TMEM178B: variants seen among roughly 807,000 people sequenced by gnomAD.
TMEM178B encodes the protein transmembrane protein 178B.
In TMEM178B, 5 loss-of-function variants were observed where a neutral mutation model predicts 31.0. The observed-to-expected ratio is 0.16, with a 90% confidence interval of 0.08 to 0.34. The LOEUF (loss-of-function observed/expected upper bound fraction) is 0.34, where lower values mean the gene tolerates loss of function less well. Among genes scored for constraint, TMEM178B ranks in the 10% least tolerant of loss-of-function variants. The probability of loss-of-function intolerance (pLI) is 1.00; values close to 1 mark genes in which losing one functional copy is unlikely to be tolerated. For synonymous variants in TMEM178B, 164 were observed against 164.0 expected, an observed-to-expected ratio of 1.00 and a Z score of 0.00; for missense variants, 275 against 400.3, an observed-to-expected ratio of 0.69 and a Z score of 2.67.
intron 2 of TMEM178B, among the ~76,000 whole-genome samples, chr7:141,343,225 C>T (rs1799549611): frequency 2.0e-5 from 3 of 152,192 alleles, no homozygotes; most frequent in Admixed American, 1.3e-4. Context: ...CCTTGCATTG[C>T]GTATGACAAA....
intron 1 of TMEM178B, among the ~76,000 whole-genome samples, chr7:141,161,714 G>A (rs1215418126): frequency 6.6e-6 from 1 of 152,086 alleles, no homozygotes; most frequent in Non-Finnish European, 1.5e-5. Context: ...GAGGTGGGCT[G>A]GACAGAACTT....
intron 1 of TMEM178B, among the ~76,000 whole-genome samples, chr7:141,138,265 G>C (rs1795709239): frequency 1.3e-5 from 2 of 152,018 alleles, no homozygotes; most frequent in Admixed American, 1.3e-4. Context: ...GTTTCACCAT[G>C]TTAGCCAGGA....
intron 1 of TMEM178B, among the ~76,000 whole-genome samples, chr7:141,103,028 G>A (rs1436600968): frequency 6.6e-6 from 1 of 152,200 alleles, no homozygotes; most frequent in Non-Finnish European, 1.5e-5. Flanking sequence ...CAAGGCTTGT[G>A]CTCTAAGGGG....
intron 3 of TMEM178B, among the ~76,000 whole-genome samples, chr7:141,441,389 T>C (rs1246342578): frequency 2.0e-5 from 3 of 152,260 alleles, no homozygotes; most frequent in African/African-American, 4.8e-5. Flanking sequence ...ATCTCATAGA[T>C]AGAGCAGAGC....
At chr7:141,437,826 C>T (rs1357855698) in intron 3 of TMEM178B, 81 bp downstream of exon 3, 26 of 1,509,466 alleles carry the variant, frequency 1.7e-5, no homozygotes, top group Non-Finnish European at 2.2e-5. Flanking sequence ...CCAGAGGGCA[C>T]AGCAGAGGGG....
chr7:141,258,852 A>G (rs6959873), intron 2 of TMEM178B, among the ~76,000 whole-genome samples: 65,997 of 152,008 alleles, frequency 0.43, 14,559 homozygotes, highest in East Asian at 0.67. Flanking sequence ...GTTCTCCTAT[A>G]TATATGAGTC....
intron 1 of TMEM178B, among the ~76,000 whole-genome samples, chr7:141,201,829 T>C (rs978950169): frequency 3.9e-5 from 6 of 152,232 alleles, no homozygotes; most frequent in East Asian, 1.9e-4. Flanking sequence ...ATAAGAGCAG[T>C]AGAGTCTGTA....
intron 2 of TMEM178B, among the ~76,000 whole-genome samples, chr7:141,353,767 C>G (rs1463823371): frequency 6.6e-6 from 1 of 152,180 alleles, no homozygotes; most frequent in African/African-American, 2.4e-5. Flanking sequence ...TCAGCCTTCT[C>G]TATTCAGCAA....
At chr7:141,378,654 C>T (rs541408168) in intron 2 of TMEM178B, among the ~76,000 whole-genome samples, 8 of 152,336 alleles carry the variant, frequency 5.3e-5, no homozygotes, top group Middle Eastern at 3.4e-3. Flanking sequence ...TACATACTGA[C>T]CTTTGCCAAC....
chr7:141,446,353 T>G (rs1010682781), intron 3 of TMEM178B, among the ~76,000 whole-genome samples: 14 of 152,128 alleles, frequency 9.2e-5, no homozygotes, highest in African/African-American at 3.4e-4. Flanking sequence ...TCCCCATCAC[T>G]CGCCTGCCAA....
chr7:141,082,643 A>T (rs1794705198), intron 1 of TMEM178B, among the ~76,000 whole-genome samples: 1 of 152,238 alleles, frequency 6.6e-6, no homozygotes. Context: ...GGGCAAATGA[A>T]TGGATGGAGT....
chr7:141,450,107 C>G (rs1016407507), intron 3 of TMEM178B, among the ~76,000 whole-genome samples: 3 of 152,176 alleles, frequency 2.0e-5, no homozygotes, highest in African/African-American at 7.2e-5. Flanking sequence ...CTTTCTGAGT[C>G]CTCCTGATTT....
intron 1 of TMEM178B, among the ~76,000 whole-genome samples, chr7:141,122,560 G>A (rs1035449797): frequency 6.6e-6 from 1 of 152,216 alleles, no homozygotes; most frequent in Admixed American, 6.5e-5. Context: ...CTATCAGAGA[G>A]AGACCACCAG....
the TMEM178B span, among the ~76,000 whole-genome samples, chr7:141,489,159 T>C: frequency 6.6e-6 from 1 of 152,252 alleles, no homozygotes; most frequent in South Asian, 2.1e-4. Context: ...GGCATTCTCT[T>C]CTTTGTGCTG....
chr7:141,217,868 C>G (rs1797185419), intron 2 of TMEM178B, among the ~76,000 whole-genome samples: 1 of 152,088 alleles, frequency 6.6e-6, no homozygotes, highest in Admixed American at 6.5e-5. Context: ...AATCAGGGAG[C>G]TGGAGCTCTA....
intron 1 of TMEM178B, among the ~76,000 whole-genome samples, chr7:141,193,238 G>A (rs150449416): frequency 1.4e-4 from 22 of 152,298 alleles, no homozygotes; most frequent in African/African-American, 5.3e-4. Flanking sequence ...GGCTCGTGCA[G>A]CACCAGTTCT....
intron 1 of TMEM178B, among the ~76,000 whole-genome samples, chr7:141,138,002 G>A (rs1795702894): frequency 1.3e-5 from 2 of 151,956 alleles, no homozygotes; most frequent in Admixed American, 1.3e-4. Flanking sequence ...ATGCATATTA[G>A]TAAAGATTTG....
rs924083415 is a variant in TMEM178B, at chr7:141,477,574, C to T, written c.*6788C>T. ...TCATGGCAAGGGTCATGACAAAGAC[C>T]TGACTCTGGGGTGGCATGAGTGGCC... is the stretch of plus-strand genomic sequence containing the variant. On this transcript the variant is annotated 3_prime_UTR_variant, in exon 4 of 4. Coordinates refer to ENST00000565468, the MANE Select transcript of TMEM178B (RefSeq NM_001195278.2). 1 of 152,176 alleles carries T rather than the reference C, an allele frequency of 6.6e-6. No individual in the cohort carries two copies. The highest frequency in any genetic ancestry group is 1.9e-4 in the East Asian group (1 of 5,182). The allele number at this position is 152,176 out of a possible 1,614,324, so 9.4% of individuals were successfully genotyped here.
intron 2 of TMEM178B, among the ~76,000 whole-genome samples, chr7:141,342,907 A>G (rs1799543843): frequency 6.6e-6 from 1 of 152,168 alleles, no homozygotes; most frequent in South Asian, 2.1e-4. Flanking sequence ...ACTTCCTGTC[A>G]TTATTTTGTT....
Sources: allele counts gnomAD v4.1 joint callset (sites outside exome capture counted in the v4.1 genomes callset), GRCh38; gene constraint gnomAD v4.1.1; transcripts MANE v1.5; gene names NCBI Gene and HGNC (gene_info 2026-07-23, HGNC 2026-07-21).